The following ZNF407 variants were observed in gnomAD, a reference collection of about 807,000 sequenced individuals.
ZNF407 encodes the protein zinc finger protein 407.
ZNF407 carries 17 observed loss-of-function variants against 131.2 expected under a neutral mutation model. The observed-to-expected ratio is 0.13, with a 90% CI of 0.09 to 0.19. ZNF407 has a LOEUF of 0.19. Ranked by LOEUF, ZNF407 falls within the 10% of genes least tolerant of loss-of-function variation. The pLI, the probability that ZNF407 is intolerant of heterozygous loss-of-function variation, is 1.00. For missense variants in ZNF407, 2,681 were observed against 2,830.6 expected (o/e 0.95, Z 1.20); for synonymous variants, 1,156 against 1,062.0 (o/e 1.09, Z -1.72).
intron 3 of ZNF407, among the ~76,000 whole-genome samples, chr18:74,683,191 C>T (rs1967025287): frequency 6.6e-6 from 1 of 152,008 alleles, no homozygotes; most frequent in Non-Finnish European, 1.5e-5. Context: ...CTTTATAAAG[C>T]AAAAGGTAGA....
intron 3 of ZNF407, among the ~76,000 whole-genome samples, chr18:74,749,262 G>C (rs1465641364): frequency 6.6e-6 from 1 of 152,198 alleles, no homozygotes; most frequent in East Asian, 1.9e-4. Flanking sequence ...CCTCTCTGCT[G>C]TCCTCCCCTC....
chr18:74,775,344 G>C (rs993306980), intron 3 of ZNF407, among the ~76,000 whole-genome samples: 3 of 152,118 alleles, frequency 2.0e-5, no homozygotes, highest in African/African-American at 7.2e-5. Context: ...CTGTAAGCTG[G>C]ATACAATGTT....
chr18:74,749,624 T>C (rs1268392449), intron 3 of ZNF407, among the ~76,000 whole-genome samples: 4 of 152,204 alleles, frequency 2.6e-5, no homozygotes, highest in Non-Finnish European at 5.9e-5. Flanking sequence ...TTCCTGTATT[T>C]ATTGTTTGAG....
intron 4 of ZNF407, among the ~76,000 whole-genome samples, chr18:74,874,342 G>A (rs1298356782): frequency 6.6e-6 from 1 of 152,190 alleles, no homozygotes; most frequent in Non-Finnish European, 1.5e-5. Flanking sequence ...TTGCAAAACA[G>A]ACCTCTTTAA....
At chr18:75,041,970 A>G (rs1048079479) in intron 8 of ZNF407, among the ~76,000 whole-genome samples, 12 of 151,454 alleles carry the variant, frequency 7.9e-5, no homozygotes, top group Non-Finnish European at 4.4e-5. Flanking sequence ...GATAATTTGC[A>G]TTTCATTCTT....
intron 8 of ZNF407, among the ~76,000 whole-genome samples, chr18:74,981,965 G>C (rs930034109): frequency 2.6e-5 from 4 of 152,108 alleles, no homozygotes; most frequent in Non-Finnish European, 4.4e-5. Flanking sequence ...CACTTTTTCT[G>C]TTGGCTTAAA....
chr18:74,629,163 CA>C (rs1983935460), intron 1 of ZNF407, among the ~76,000 whole-genome samples: 1 of 152,232 alleles, frequency 6.6e-6, no homozygotes, highest in Admixed American at 6.5e-5. Flanking sequence ...CACCATTTTA[CA>C]TTCCCCTTAG....
At chr18:74,830,404 C>G (rs1970466188) in intron 4 of ZNF407, among the ~76,000 whole-genome samples, 1 of 152,010 alleles carries the variant, frequency 6.6e-6, no homozygotes, top group Non-Finnish European at 1.5e-5. Flanking sequence ...CACCTCAGCC[C>G]CCTGAGTAGC....
intron 8 of ZNF407, among the ~76,000 whole-genome samples, chr18:75,052,127 C>T (rs1178599347): frequency 6.6e-6 from 1 of 152,116 alleles, no homozygotes; most frequent in African/African-American, 2.4e-5. Context: ...TGTGCATGTC[C>T]ACGAAGGCGT....
intron 4 of ZNF407, among the ~76,000 whole-genome samples, chr18:74,807,331 T>A (rs958605583): frequency 6.6e-6 from 1 of 152,162 alleles, no homozygotes; most frequent in Non-Finnish European, 1.5e-5. Context: ...CCTGTGGCTG[T>A]AACACACATA....
chr18:74,946,059 G>A (rs1397287127), intron 8 of ZNF407, among the ~76,000 whole-genome samples: 1 of 152,122 alleles, frequency 6.6e-6, no homozygotes. Context: ...TATGACTGAT[G>A]TCTCAAGGTG....
At chr18:75,045,324 A>G (rs920294886) in intron 8 of ZNF407, among the ~76,000 whole-genome samples, 12 of 152,180 alleles carry the variant, frequency 7.9e-5, no homozygotes, top group African/African-American at 1.7e-4. Context: ...GAACCATTCA[A>G]TTTGCACTGT....
chr18:74,675,613 G>A (rs1986323847), intron 3 of ZNF407, among the ~76,000 whole-genome samples: 1 of 152,162 alleles, frequency 6.6e-6, no homozygotes, highest in South Asian at 2.1e-4. Context: ...TTTCTGTGCT[G>A]TCTTTCCTTT....
At chr18:74,762,590 ACT>A (rs1168365992) in intron 3 of ZNF407, among the ~76,000 whole-genome samples, 1 of 151,448 alleles carries the variant, frequency 6.6e-6, no homozygotes, top group Middle Eastern at 3.2e-3. Context: ...CCTTCCTGCC[ACT>A]CTCTGCCATC....
At chr18:74,799,863 G>A (rs1969987792) in intron 4 of ZNF407, among the ~76,000 whole-genome samples, 1 of 145,584 alleles carries the variant, frequency 6.9e-6, no homozygotes, top group South Asian at 2.2e-4. Context: ...TCATTCTTAG[G>A]TTCTATTGCA....
At chr18:74,818,399 T>A (rs1174784842) in intron 4 of ZNF407, among the ~76,000 whole-genome samples, 1 of 152,254 alleles carries the variant, frequency 6.6e-6, no homozygotes, top group Admixed American at 6.5e-5. Flanking sequence ...ACTTTGTAAT[T>A]TCTGTATTCT....
At chr18:74,945,528 A>G (rs535134989) in intron 8 of ZNF407, among the ~76,000 whole-genome samples, 39 of 152,306 alleles carry the variant, frequency 2.6e-4, no homozygotes, top group African/African-American at 8.7e-4. Context: ...TTTTGTTTTA[A>G]TATGTCGCAG....
intron 4 of ZNF407, among the ~76,000 whole-genome samples, chr18:74,822,170 C>G (rs915319859): frequency 6.6e-6 from 1 of 152,080 alleles, no homozygotes; most frequent in Admixed American, 6.5e-5. Context: ...TATTAGCCCT[C>G]TGTCAGATGG....
chr18:75,064,620 C>T lies in ZNF407; in HGVS notation c.*152C>T. ...GCATGCCCTCCCAGCGAGAGTCACA[C>T]TGGCCACCAGCCAGGCGCCCACAGA... is the stretch of plus-strand genomic sequence containing the variant. On this transcript the variant is annotated 3_prime_UTR_variant, in exon 9 of 9. Coordinates refer to ENST00000299687, the MANE Select transcript of ZNF407 (RefSeq NM_017757.3). 1 of 711,740 alleles carries T rather than the reference C, an allele frequency of 1.4e-6. No individual in the cohort carries two copies. The highest frequency in any genetic ancestry group is 2.1e-6 in the Non-Finnish European group (1 of 472,546). The allele number at this position is 711,740 out of a possible 1,614,324, so 44.1% of individuals were successfully genotyped here. A position where few individuals can be genotyped will look rare whatever the true frequency, so the allele number is the denominator to read the frequency against.
Sources: allele counts gnomAD v4.1 joint callset (sites outside exome capture counted in the v4.1 genomes callset), GRCh38; gene constraint gnomAD v4.1.1; transcripts MANE v1.5; gene names NCBI Gene and HGNC (gene_info 2026-07-23, HGNC 2026-07-21).